Variants in TNXB observed in about 807,000 individuals in gnomAD.
The protein encoded by TNXB is tenascin-X.
A neutral mutation model predicts 340.5 loss-of-function variants in TNXB; 183 were observed. The observed-to-expected ratio is 0.54, with a 90% CI of 0.48 to 0.61. The LOEUF is 0.61. Ranked by LOEUF, TNXB falls within the 20% of genes least tolerant of loss-of-function variation. The probability of loss-of-function intolerance (pLI) is 0.00; values close to 1 mark genes in which losing one functional copy is unlikely to be tolerated. For synonymous variants in TNXB, 2,121 were observed against 2,314.5 expected, an observed-to-expected ratio of 0.92 and a Z score of 2.40; for missense variants, 4,613 against 5,446.4, an observed-to-expected ratio of 0.85 and a Z score of 4.82.
chr6:32,107,554 C>G (rs1781044187), intron 1 of TNXB, among the ~76,000 whole-genome samples: 1 of 152,102 alleles, frequency 6.6e-6, no homozygotes, highest in African/African-American at 2.4e-5. Flanking sequence ...TGGGGTGGTT[C>G]TCTGTAGTGT....
chr6:32,096,808 C>T lies in TNXB; in HGVS notation c.1045G>A (p.Gly349Ser), dbSNP rs1460685114. Residue 349 changes from glycine to serine, a missense_variant, in exon 3 of 44, where the codon GGC becomes AGC. Physicochemically the swap from Gly to Ser is moderately conservative, Grantham distance 56 (BLOSUM62 0). Coordinates refer to ENST00000644971, the MANE Select transcript of TNXB (RefSeq NM_001365276.2). ...TRSCPWDCGE[G>S]GRCVDGRCVC... Reference sequence around the variant, plus strand: ...CAGCGGCCGTCCACGCAGCGCCCGCCCTCGCCACAGTCCCAGGGGCAGCTC... The same window carrying T: ...CAGCGGCCGTCCACGCAGCGCCCGCTCTCGCCACAGTCCCAGGGGCAGCTC... 6.3e-7 allele frequency: 1 copy of T among 1,590,152 alleles called. No homozygotes were observed. The highest frequency in any genetic ancestry group is 2.3e-5 in the East Asian group (1 of 43,480).
Position 32,070,438 on chromosome 6 carries a change from T to A in TNXB, c.4991-24A>T. 1 of 1,549,384 alleles carries A rather than the reference T, an allele frequency of 6.5e-7. No homozygotes were observed. The highest frequency in any genetic ancestry group is 8.7e-7 in the Non-Finnish European group (1 of 1,145,464). On this transcript the variant is annotated intron_variant, in intron 13 of 43. Transcript: ENST00000644971. The surrounding 1 kb of genome is among the most constrained non-coding windows in gnomAD (Gnocchi z 6.0). ...AACTGGAGAGGAAAGGTTCTTGTGT[T>A]TATTTTTTCCAAAACGACTCCTTGA...
rs1490648781 is a variant in TNXB at position 32,061,776 on chromosome 6, C to T, written c.7169-56G>A. 5 of 1,580,202 alleles carry T rather than the reference C, an allele frequency of 3.2e-6. No individual in the cohort carries two copies. The highest frequency in any genetic ancestry group is 2.2e-5 in the East Asian group (1 of 44,494). On this transcript the variant is annotated intron_variant, in intron 20 of 43. Transcript: ENST00000644971. This position sits in a 1 kb window ranked among gnomAD's most constrained non-coding sequence, Gnocchi z 4.4. ...GGGTCCCTGGGGGATGTGCTTACGT[C>T]GTGGGGAAAAGGAGGGAGAAGGCTA...
chr6:32,097,225 C>T lies in TNXB; in HGVS notation c.628G>A (p.Gly210Ser), dbSNP rs1296424704. ...GRCVCFPGYT[G>S]PSCGWPSCPG... Reference sequence around the variant, plus strand: ...CAGGATGGCCAGCCACAGCTGGGGCCAGTGTAGCCGGGAAAGCACACGCAA... The same window carrying T: ...CAGGATGGCCAGCCACAGCTGGGGCTAGTGTAGCCGGGAAAGCACACGCAA... The change falls in exon 3 of 44, where the codon GGC (glycine) becomes AGC (serine). Residue 210 changes from glycine (G) to serine (S), a missense_variant. Gly to Ser is a moderately conservative substitution (Grantham distance 56, BLOSUM62 0). Coordinates refer to ENST00000644971, the MANE Select transcript of TNXB (RefSeq NM_001365276.2). The surrounding 1 kb of genome is among the most constrained non-coding windows in gnomAD (Gnocchi z 5.9). 6 of 1,602,092 alleles carry T rather than the reference C, an allele frequency of 3.7e-6. No individual in the cohort carries two copies. In the Admixed American group the frequency reaches 1.0e-4, roughly 28 times the overall value.
chr6:32,041,535 C>T, intron 43 of TNXB, 85 bp from the exon 44 acceptor site: 1 of 1,101,010 alleles, frequency 9.1e-7, no homozygotes, highest in East Asian at 2.6e-5. Context: ...GCTCCCAGCA[C>T]TCAACCAACC....
intron 1 of TNXB, among the ~76,000 whole-genome samples, chr6:32,105,204 G>A (rs921018138): frequency 1.3e-5 from 2 of 151,980 alleles, no homozygotes; most frequent in Non-Finnish European, 2.9e-5. Context: ...TGTTCCATCC[G>A]TGTGGAACAC....
chr6:32,073,629 AG>A lies in TNXB; in HGVS notation c.4681+17del. On this transcript the variant is annotated intron_variant, in intron 12 of 43. Coordinates refer to ENST00000644971, the MANE Select transcript of TNXB (RefSeq NM_001365276.2). The surrounding 1 kb of genome is among the most constrained non-coding windows in gnomAD (Gnocchi z 4.6). ...TCTGGGTAACCAGAGATGAGGACTGAGTCCCCCCATTACTCACCCGTCACGA... is the reference window on the plus strand; with the variant it reads ...TCTGGGTAACCAGAGATGAGGACTGATCCCCCCATTACTCACCCGTCACGA... The A allele has an allele frequency of 1.3e-6, 2 of 1,598,274 alleles. No individual in the cohort carries two copies. The highest frequency in any genetic ancestry group is 1.7e-6 in the Non-Finnish European group (2 of 1,171,312).
At position 32,067,517 on chromosome 6, in the gene TNXB, C is replaced by G; in HGVS notation, c.6544+144G>C. The stretch of plus-strand genomic sequence containing the variant: ...TCTCCTGGATTTGCTCTCTCTGTCC[C>G]CAGATCACACCTGTCCTGAGCCTTT... On this transcript the variant is annotated intron_variant, in intron 18 of 43. Transcript: ENST00000644971. This position sits in a 1 kb window ranked among gnomAD's most constrained non-coding sequence, Gnocchi z 4.2. 1 of 1,208,060 alleles carries G rather than the reference C, an allele frequency of 8.3e-7. No individual in the cohort carries two copies. Among genetic ancestry groups the G allele is most frequent in the South Asian group, 1.8e-5 (1 of 55,366 alleles). The allele number at this position is 1,208,060 out of a possible 1,614,324, so 74.8% of individuals were successfully genotyped here.
chr6:32,096,518 G>A lies in TNXB; in HGVS notation c.1335C>T (p.Cys445=). 1 of 1,598,900 alleles carries A rather than the reference G, an allele frequency of 6.3e-7. No homozygotes were observed. The change falls in exon 3 of 44, where the codon TGC becomes TGT. Residue 445 remains cysteine, a synonymous_variant. Transcript: ENST00000644971. ...CPRDCRGRGR[C]ENGVCVCNAG... ...CATTGCAAACACACACGCCGTTCTC[G>A]CAGCGCCCGCGACCTCTACAGTCGC...
chr6:32,071,060 G>A (rs1778742403), intron 13 of TNXB, among the ~76,000 whole-genome samples: 1 of 152,166 alleles, frequency 6.6e-6, no homozygotes, highest in East Asian at 1.9e-4. Context: ...GCCATCCCAG[G>A]GCTTGAGAAG....
In TNXB at chr6:32,065,077, C is replaced by T. The variant is rs763938110; in HGVS notation, c.6585G>A (p.Leu2195=). Residue 2195 remains leucine, a synonymous_variant, in exon 19 of 44, where the codon CTG becomes CTA. Coordinates refer to ENST00000644971, the MANE Select transcript of TNXB (RefSeq NM_001365276.2). The stretch of plus-strand genomic sequence containing the variant: ...CTCTCACTGTCATCTGCCCTAGGCG[C>T]AGCTTTGCAAGAGGAGCATCAGGGG... The part of the protein sequence containing the change: ...EESPDAPLAK[L]RLGQMTVRDI... The T allele has an allele frequency of 6.3e-7, 1 of 1,595,236 alleles. No individual in the cohort carries two copies. Among genetic ancestry groups the T allele is most frequent in the Non-Finnish European group, 8.5e-7 (1 of 1,171,018 alleles).
At position 32,097,049 on chromosome 6, in the gene TNXB, T is replaced by A; in HGVS notation, c.804A>T (p.Pro268=). 1 of 1,597,526 alleles carries A rather than the reference T, an allele frequency of 6.3e-7. No individual in the cohort carries two copies. Among genetic ancestry groups the A allele is most frequent in the Non-Finnish European group, 8.5e-7 (1 of 1,174,136 alleles). The change falls in exon 3 of 44, where the codon CCA becomes CCT. Residue 268 remains proline, a synonymous_variant. Coordinates refer to ENST00000644971, the MANE Select transcript of TNXB (RefSeq NM_001365276.2). This position sits in a 1 kb window ranked among gnomAD's most constrained non-coding sequence, Gnocchi z 5.9. ...TGCCACAGTCGTCACCAGTGTAGCC[T>A]GGGTCACACACGCAGCGCCCACCCT... ...RCEGGRCVCD[P]GYTGDDCGMR...
In TNXB at chr6:32,108,020, T is replaced by G. The variant is rs1304290547; in HGVS notation, c.-9+1161A>C. On this transcript the variant is annotated intron_variant, in intron 1 of 43. Coordinates refer to ENST00000644971, the MANE Select transcript of TNXB (RefSeq NM_001365276.2). This position sits in a 1 kb window ranked among gnomAD's most constrained non-coding sequence, Gnocchi z 4.8. Reference sequence around the variant, plus strand: ...AATGGAAAAATTAAGAGAAAGGATTTCCAGGCCCCAGCTGAAAATGGTTAG... The same window carrying G: ...AATGGAAAAATTAAGAGAAAGGATTGCCAGGCCCCAGCTGAAAATGGTTAG... Among the ~76,000 whole-genome samples, 1 of 151,990 alleles carries G rather than the reference T, an allele frequency of 6.6e-6. No homozygotes were observed. The highest frequency in any genetic ancestry group is 1.5e-5 in the Non-Finnish European group (1 of 68,010).
At position 32,056,853 on chromosome 6, in the gene TNXB, G is replaced by A. The variant is rs1423633697; in HGVS notation, c.7876C>T (p.Pro2626Ser). The change falls in exon 23 of 44, where the codon CCC becomes TCC. Residue 2626 changes from proline to serine, a missense_variant. Pro to Ser is a moderately conservative substitution (Grantham distance 74). This residue lies in a region of TNXB where 4,327 missense variants were observed against 4,859.4 expected (regional missense o/e 0.89). Transcript: ENST00000644971. ...QAVPTMTPEP[P>S]IKPRLGELTM... ...AGCTCCCCCAGGCGAGGCTTGATGG[G>A]GGGCTCAGGGGTCATGGTAGGCACT... The A allele has an allele frequency of 7.4e-6, 12 of 1,612,766 alleles. No homozygotes were observed. The highest frequency in any genetic ancestry group is 1.0e-5 in the Non-Finnish European group (12 of 1,179,776).
In TNXB at chr6:32,085,694, A is replaced by C; in HGVS notation, c.3148+56T>G. On this transcript the variant is annotated intron_variant, in intron 7 of 43. Coordinates refer to ENST00000644971, the MANE Select transcript of TNXB (RefSeq NM_001365276.2). This position sits in a 1 kb window ranked among gnomAD's most constrained non-coding sequence, Gnocchi z 6.4. The stretch of plus-strand genomic sequence containing the variant: ...CCATCCTACCTCTGAAGTCCCAATA[A>C]CCCCAGCTCCTCCCCCAATCTCAGG... 1 of 1,473,592 alleles carries C rather than the reference A, an allele frequency of 6.8e-7. No homozygotes were observed. 91.3% of individuals were successfully genotyped at this position (1,473,592 alleles called of 1,614,324 possible). A position where few individuals can be genotyped will look rare whatever the true frequency, so the allele number is the denominator to read the frequency against.
At position 32,062,389 on chromosome 6, in the gene TNXB, T is replaced by G. The variant is rs1175677562; in HGVS notation, c.6936A>C (p.Thr2312=). The change falls in exon 20 of 44, where the codon ACA becomes ACC. Residue 2312 remains threonine (T), a synonymous_variant. Transcript: ENST00000644971. This position sits in a 1 kb window ranked among gnomAD's most constrained non-coding sequence, Gnocchi z 4.3. ...IKPRLEELTV[T]DATPDSLSLS... The stretch of plus-strand genomic sequence containing the variant: ...GGCTGAGGGAGTCAGGGGTCGCATC[T>G]GTCACGGTCAGCTCCTCCAGGCGAG... The G allele has an allele frequency of 6.2e-7, 1 of 1,613,194 alleles. No individual in the cohort carries two copies. The highest frequency in any genetic ancestry group is 8.5e-7 in the Non-Finnish European group (1 of 1,179,880).
rs1349769971 is a variant in TNXB at position 32,049,523 on chromosome 6, G to A, written c.9504C>T (p.Leu3168=). The A allele has an allele frequency of 3.7e-6, 6 of 1,612,600 alleles. No individual in the cohort carries two copies. The highest frequency in any genetic ancestry group is 2.7e-5 in the African/African-American group (2 of 75,020). The change falls in exon 28 of 44, where the codon CTC becomes CTT. Residue 3168 remains leucine (L), a synonymous_variant. Coordinates refer to ENST00000644971, the MANE Select transcript of TNXB (RefSeq NM_001365276.2). This position sits in a 1 kb window ranked among gnomAD's most constrained non-coding sequence, Gnocchi z 4.5. ...ATCCTGTCACTGTCAACTCCCCCAGGAGCGGCTCCTCAGGGGCCTCCGGGG... is the reference window on the plus strand; with the variant it reads ...ATCCTGTCACTGTCAACTCCCCCAGAAGCGGCTCCTCAGGGGCCTCCGGGG... ...TEAPEAPEEP[L]LGELTVTGSS... is the part of the protein sequence containing the mutation.
chr6:32,089,526 G>A lies in TNXB; in HGVS notation c.2359-147C>T. The A allele has an allele frequency of 9.6e-7, 1 of 1,046,822 alleles. No homozygotes were observed. The highest frequency in any genetic ancestry group is 1.3e-6 in the Non-Finnish European group (1 of 748,236). 64.8% of individuals were successfully genotyped at this position (1,046,822 alleles called of 1,614,324 possible). A position where few individuals can be genotyped will look rare whatever the true frequency, so the allele number is the denominator to read the frequency against. On this transcript the variant is annotated intron_variant, in intron 4 of 43. Transcript: ENST00000644971. This position sits in a 1 kb window ranked among gnomAD's most constrained non-coding sequence, Gnocchi z 6.2. ...CCTGTACAAGCTGGGGAGCAAACAT[G>A]CTGAGAGCGCTAACTCCTTGTGAGC...
intron 11 of TNXB, among the ~76,000 whole-genome samples, chr6:32,076,784 C>T (rs972492869): frequency 6.6e-6 from 1 of 152,116 alleles, no homozygotes; most frequent in African/African-American, 2.4e-5. Context: ...AAGTTCGAGA[C>T]CAGCCTGGCT....
Sources: allele counts gnomAD v4.1 joint callset (sites outside exome capture counted in the v4.1 genomes callset), GRCh38; gene constraint gnomAD v4.1.1; regional missense constraint gnomAD v4.1.1; non-coding constraint Gnocchi (gnomAD v3.1); transcripts MANE v1.5; gene names NCBI Gene and HGNC (gene_info 2026-07-23, HGNC 2026-07-21).